The following TTN variants were observed in gnomAD, a reference collection of about 807,000 sequenced individuals.
TTN encodes the protein titin.
TTN carries 1,525 observed loss-of-function variants against 3,223.0 expected under a neutral mutation model. That is an observed-to-expected ratio of 0.47 (90% confidence interval 0.45 to 0.49). The LOEUF (loss-of-function observed/expected upper bound fraction) is 0.49, where lower values mean the gene tolerates loss of function less well. Among genes scored for constraint, TTN ranks in the 20% least tolerant of loss-of-function variants. The pLI, the probability that TTN is intolerant of heterozygous loss-of-function variation, is 0.00. For synonymous variants in TTN, 14,094 were observed against 15,161.0 expected (o/e 0.93, Z 5.17); for missense variants, 40,786 against 43,424.0 (o/e 0.94, Z 5.40).
At position 178,564,541 on chromosome 2, in the gene TTN, A is replaced by G; in HGVS notation, c.81591T>C (p.Asp27197=). ...VTLKWKKPAY[D]GGSKITGYIV... ...TATAACCTGTTATTTTGCTACCACC[A>G]TCATAGGCAGGTTTCTTCCATTTCA... Residue 27197 remains aspartate (D), a synonymous_variant, in exon 326 of 363, where the codon GAT becomes GAC. Coordinates refer to ENST00000589042, the MANE Select transcript of TTN (RefSeq NM_001267550.2). 1 of 1,613,246 alleles carries G rather than the reference A, an allele frequency of 6.2e-7. No homozygotes were observed. Among genetic ancestry groups the G allele is most frequent in the Non-Finnish European group, 8.5e-7 (1 of 1,179,606 alleles).
At chr2:178,805,791 G>A (rs1183050701) in intron 1 of TTN, among the ~76,000 whole-genome samples, 2 of 152,204 alleles carry the variant, frequency 1.3e-5, no homozygotes, top group African/African-American at 4.8e-5. Context: ...GAAGGCTGGT[G>A]TAAAATGTAG....
chr2:178,667,533 G>T lies in TTN; in HGVS notation c.35630-8C>A, dbSNP rs2066183193. 1.3e-6 allele frequency: 2 copies of T among 1,594,462 alleles called. No homozygotes were observed. Among genetic ancestry groups the T allele is most frequent in the African/African-American group, 1.3e-5 (1 of 74,598 alleles). ...TCTTGGGTGGCTCAGGCACTTAAAA[G>T]ATATGAGTATAGTTATATTTATAAA... On this transcript the variant is annotated splice_region_variant and splice_polypyrimidine_tract_variant and intron_variant, in intron 160 of 362. Transcript: ENST00000589042.
chr2:178,714,084 T>G lies in TTN; in HGVS notation c.26574A>C (p.Glu8858Asp). The G allele has an allele frequency of 6.2e-7, 1 of 1,613,714 alleles. No homozygotes were observed. Among genetic ancestry groups the G allele is most frequent in the Non-Finnish European group, 8.5e-7 (1 of 1,179,754 alleles). The change falls in exon 92 of 363, where the codon GAA becomes GAC. Residue 8858 changes from glutamate (E) to aspartate (D), a missense_variant. By Grantham distance (45) the Glu-to-Asp change is conservative. Transcript: ENST00000589042. ...TLECTVAGTP[E>D]LSTKWFKDGK... ...CATCCTTAAACCACTTAGTACTGAGTTCAGGGGTGCCAGCTACTGTACACT... is the reference window on the plus strand; with the variant it reads ...CATCCTTAAACCACTTAGTACTGAGGTCAGGGGTGCCAGCTACTGTACACT...
At chr2:178,716,116 G>T (rs913378046) in intron 88 of TTN, among the ~76,000 whole-genome samples, 1 of 152,096 alleles carries the variant, frequency 6.6e-6, no homozygotes, top group Non-Finnish European at 1.5e-5. Flanking sequence ...TGAGGTCCAC[G>T]GGGAATGAGA....
chr2:178,757,231 T>TGTACTTCCTTTAAGTA (rs1252574568), intron 45 of TTN, among the ~76,000 whole-genome samples: 1 of 148,874 alleles, frequency 6.7e-6, no homozygotes, highest in Non-Finnish European at 1.5e-5. Flanking sequence ...TAAGTAATAA[T>TGTACTTCCTTTAAGTA]CAGCAAATAG....
chr2:178,587,784 ATCAATC>A lies in TTN; in HGVS notation c.63519_63524del (p.Glu21173_Ile21174del), dbSNP rs1385858103. The A allele has an allele frequency of 1.2e-6, 2 of 1,602,442 alleles. No individual in the cohort carries two copies. Among genetic ancestry groups the A allele is most frequent in the Non-Finnish European group, 1.7e-6 (2 of 1,173,280 alleles). ...CCAGTTTCCTCATGCTGGCATCCAAATCAATCTCCGGAGGTTCTGCAAATGACATTA... is the reference window on the plus strand; with the variant it reads ...CCAGTTTCCTCATGCTGGCATCCAAATCCGGAGGTTCTGCAAATGACATTA... On this transcript the variant is annotated inframe_deletion, in exon 306 of 363. Transcript: ENST00000589042.
rs186841908 is a variant in TTN, at chr2:178,746,419, C to T, written c.11312-4498G>A. On this transcript the variant is annotated intron_variant, in intron 47 of 362. Coordinates refer to ENST00000589042, the MANE Select transcript of TTN (RefSeq NM_001267550.2). ...ATTCGGGAACTGTCACTATTTTCAC[C>T]TGCTTCTCAAATTCTTTAACGTCTT... 279 of 1,610,268 alleles carry T rather than the reference C, an allele frequency of 1.7e-4. No individual in the cohort carries two copies. In the Admixed American group the frequency reaches 4.3e-3, roughly 25 times the overall value.
chr2:178,617,591 C>G, intron 253 of TTN, 79 bp from the exon 254 acceptor site: 2 of 1,439,492 alleles, frequency 1.4e-6, no homozygotes, highest in Admixed American at 5.3e-5. Flanking sequence ...TCAATTATAT[C>G]ATCCTCATTA....
At position 178,769,662 on chromosome 2, in the gene TTN, T is replaced by C. The variant is rs1285374689; in HGVS notation, c.8902+17A>G. ...TTATATATATGTGTATATATATATA[T>C]ATATTTTTTAACTTACGGGTGACTG... On this transcript the variant is annotated intron_variant, in intron 37 of 362. Transcript: ENST00000589042. The C allele has an allele frequency of 1.3e-6, 2 of 1,577,244 alleles. No homozygotes were observed. The highest frequency in any genetic ancestry group is 8.7e-7 in the Non-Finnish European group (1 of 1,151,142).
At position 178,557,428 on chromosome 2, in the gene TTN, G is replaced by A. The variant is rs2154155620; in HGVS notation, c.87834C>T (p.Asp29278=). Residue 29278 remains aspartate, a synonymous_variant, in exon 329 of 363, where the codon GAC becomes GAT. Coordinates refer to ENST00000589042, the MANE Select transcript of TTN (RefSeq NM_001267550.2). ...AVVGYHLEMK[D]RNSILWQKAN... ...CTTTTTGCCATAAAATACTGTTTCT[G>A]TCTTTCATTTCCAGGTGATAGCCTA... 2 of 1,613,904 alleles carry A rather than the reference G, an allele frequency of 1.2e-6. No individual in the cohort carries two copies. The highest frequency in any genetic ancestry group is 8.5e-7 in the Non-Finnish European group (1 of 1,179,838).
chr2:178,629,508 A>G, intron 239 of TTN, 65 bp from the exon 240 acceptor site: 3 of 1,600,850 alleles, frequency 1.9e-6, no homozygotes, highest in Non-Finnish European at 2.6e-6. Flanking sequence ...ATAAATAGAG[A>G]CTTAGATATG....
rs188940525 is a variant in TTN at position 178,563,685 on chromosome 2, T to G, written c.82447A>C (p.Lys27483Gln). The G allele has an allele frequency of 5.0e-6, 8 of 1,613,772 alleles. No individual in the cohort carries two copies. The highest frequency in any genetic ancestry group is 1.1e-5 in the South Asian group (1 of 91,076). ...GCCCATGTTACTACCATAGAATCTT[T>G]GGTGATTGCTGAGACTTCAGGTGTT... Reference protein sequence around the residue: ...PSTPEVSAITKDSMVVTWARP... With the variant: ...PSTPEVSAITQDSMVVTWARP... Residue 27483 changes from lysine (K) to glutamine (Q), a missense_variant, in exon 326 of 363, where the codon AAA becomes CAA. Physicochemically the swap from Lys to Gln is moderately conservative, Grantham distance 53 (BLOSUM62 1). Coordinates refer to ENST00000589042, the MANE Select transcript of TTN (RefSeq NM_001267550.2). This position sits in a 1 kb window ranked among gnomAD's most constrained non-coding sequence, Gnocchi z 4.5.
rs746946789 is a variant in TTN, at chr2:178,775,893, G to A, written c.5971C>T (p.Pro1991Ser). ...CTGCGCAGCTCTTCCGACTCTTCAG[G>A]CACTTTTTCATGGGTAATTCTTTCA... ...RAERITHEKV[P>S]EESEELRSKF... Residue 1991 changes from proline (P) to serine (S), a missense_variant, in exon 28 of 363, where the codon CCT (proline) becomes TCT (serine). Physicochemically the swap from Pro to Ser is moderately conservative, Grantham distance 74. Coordinates refer to ENST00000589042, the MANE Select transcript of TTN (RefSeq NM_001267550.2). The A allele has an allele frequency of 5.0e-6, 8 of 1,614,060 alleles. No homozygotes were observed. The South Asian group carries it at 8.8e-5, about 18-fold the overall frequency.
Position 178,581,530 on chromosome 2 carries a change from C to T in TTN, c.66738G>A (p.Val22246=), listed in dbSNP as rs2047747426. 6.2e-7 allele frequency: 1 copy of T among 1,605,956 alleles called. No individual in the cohort carries two copies. Among genetic ancestry groups the T allele is most frequent in the East Asian group, 2.2e-5 (1 of 44,570 alleles). ...TGTCCTTGGGATAGTGTTTATCTGG[C>T]ACATCACTGGGGTCACTGTATCCAA... is the stretch of plus-strand genomic sequence containing the variant. ...NKIGYSDPSD[V]PDKHYPKDIL... is the part of the protein sequence containing the mutation. The change falls in exon 316 of 363, where the codon GTG becomes GTA. Residue 22246 remains valine (V), a synonymous_variant. Transcript: ENST00000589042.
chr2:178,731,072 G>C lies in TTN; in HGVS notation c.17593C>G (p.Leu5865Val). The change falls in exon 60 of 363, where the codon CTG (leucine) becomes GTG (valine). Residue 5865 changes from leucine (L) to valine (V), a missense_variant. Coordinates refer to ENST00000589042, the MANE Select transcript of TTN (RefSeq NM_001267550.2). ...ACACTGATTTTATATTTTGAGCCCA[G>C]GGTCAGTTCTTGGCCATCTTTAAAC... ...KWFKDGQELT[L>V]GSKYKISVTD... is the part of the protein sequence containing the mutation. 6.2e-7 allele frequency: 1 copy of C among 1,613,644 alleles called. No homozygotes were observed. Among genetic ancestry groups the C allele is most frequent in the Admixed American group, 1.7e-5 (1 of 59,978 alleles).
intron 150 of TTN, among the ~76,000 whole-genome samples, chr2:178,674,718 T>G (rs1235973639): frequency 6.6e-6 from 1 of 151,652 alleles, no homozygotes; most frequent in Non-Finnish European, 1.5e-5. Flanking sequence ...CAGGCTTAAC[T>G]GGAATTTCTC....
rs201200682 is a variant in TTN, at chr2:178,739,229, G to A, written c.14004C>T (p.Thr4668=). 940 of 1,581,664 alleles carry A rather than the reference G, an allele frequency of 5.9e-4. No individual in the cohort carries two copies. The highest frequency in any genetic ancestry group is 4.5e-3 in the African/African-American group (334 of 74,396). Residue 4668 remains threonine (T), a synonymous_variant, in exon 48 of 363, where the codon ACC becomes ACT. Coordinates refer to ENST00000589042, the MANE Select transcript of TTN (RefSeq NM_001267550.2). Reference sequence around the variant, plus strand: ...AGACATACTCTCCTTGATGGTCTTCGGTATTTACTTTGTCGATGACTAGCG... The same window carrying A: ...AGACATACTCTCCTTGATGGTCTTCAGTATTTACTTTGTCGATGACTAGCG... The part of the protein sequence containing the change: ...TYTLVIDKVN[T]EDHQGEYVCE...
Position 178,695,990 on chromosome 2 carries a change from T to C in TTN, c.31082A>G (p.Glu10361Gly), listed in dbSNP as rs926688617. ...TTCTTGCCCTTCTTCAAAATCTTCT[T>C]CCCATTCCTCGTGAACTTCTTTTTT... The part of the protein sequence containing the change: ...EAKKEVHEEW[E>G]EDFEEGQEYY... Residue 10361 changes from glutamate to glycine, a missense_variant, in exon 114 of 363, where the codon GAA (glutamate) becomes GGA (glycine). Transcript: ENST00000589042. 4.4e-5 allele frequency: 68 copies of C among 1,547,798 alleles called. No homozygotes were observed. Among genetic ancestry groups the C allele is most frequent in the Non-Finnish European group, 5.9e-5 (68 of 1,145,768 alleles).
At chr2:178,749,496 C>G (rs774615523) in intron 47 of TTN, 1 of 1,612,744 alleles carries the variant, frequency 6.2e-7, no homozygotes, top group Non-Finnish European at 8.5e-7. Flanking sequence ...ACTGAATATT[C>G]TTTTACATTT....
Sources: gnomAD v4.1 joint callset for allele counts (sites outside exome capture counted in the v4.1 genomes callset) on GRCh38, gnomAD v4.1.1 for gene constraint, Gnocchi (gnomAD v3.1) non-coding constraint, MANE v1.5 for transcripts, NCBI Gene and HGNC (gene_info 2026-07-23, HGNC 2026-07-21) for gene names.